Variants in DEPDC5 observed in about 807,000 individuals in gnomAD.
DEPDC5 encodes the protein GATOR1 complex protein DEPDC5.
Under a neutral mutation model 217.3 loss-of-function variants are expected in DEPDC5, and 73 were observed. The ratio of observed to expected loss-of-function variants is 0.34; its 90% CI spans 0.28 to 0.41. DEPDC5 has a LOEUF of 0.41. Among genes scored for constraint, DEPDC5 ranks in the 10% least tolerant of loss-of-function variants. The pLI is 1.00. For missense variants in DEPDC5, 1,675 were observed against 2,070.1 expected (o/e 0.81, Z 3.70); for synonymous variants, 733 against 756.7 (o/e 0.97, Z 0.51).
At chr22:31,800,112 T>G (rs1799710878) in intron 14 of DEPDC5, among the ~76,000 whole-genome samples, 1 of 152,106 alleles carries the variant, frequency 6.6e-6, no homozygotes, top group Non-Finnish European at 1.5e-5. Flanking sequence ...CAAAACTTAC[T>G]CCTAAACTAA....
chr22:31,758,098 A>G (rs2082085271), intron 2 of DEPDC5, among the ~76,000 whole-genome samples: 1 of 152,192 alleles, frequency 6.6e-6, no homozygotes, highest in Admixed American at 6.5e-5. Context: ...TGTTAGATCT[A>G]AAGATTTATT....
chr22:31,780,651 A>G (rs1222010707), intron 8 of DEPDC5, among the ~76,000 whole-genome samples: 5 of 152,104 alleles, frequency 3.3e-5, no homozygotes, highest in Admixed American at 3.3e-4. Flanking sequence ...TCTCAGCTCT[A>G]GTCTCAGGAT....
chr22:31,807,098 T>C (rs1354318137), intron 18 of DEPDC5, among the ~76,000 whole-genome samples: 1 of 152,182 alleles, frequency 6.6e-6, no homozygotes, highest in Admixed American at 6.6e-5. Context: ...GTTTAAAATA[T>C]ATTAATAATT....
In DEPDC5 at chr22:31,771,077, C is replaced by T. The variant is rs545867337; in HGVS notation, c.413+2214C>T. ...GGATTATAGGCGTTGAGCCACCGCA[C>T]GCGGCCCCCATCAACTTTTCACCTA... is the stretch of plus-strand genomic sequence containing the variant. On this transcript the variant is annotated intron_variant, in intron 7 of 42. Coordinates refer to ENST00000651528, the MANE Select transcript of DEPDC5 (RefSeq NM_001242896.3). Among the ~76,000 whole-genome samples the T allele has an allele frequency of 2.0e-5, 3 of 152,270 alleles. No homozygotes were observed. The South Asian group carries it at 6.2e-4, about 32-fold the overall frequency.
At chr22:31,828,476 A>G (rs1434806076) in intron 24 of DEPDC5, among the ~76,000 whole-genome samples, 1 of 144,926 alleles carries the variant, frequency 6.9e-6, no homozygotes, top group Non-Finnish European at 1.5e-5. Context: ...AAAAAAAAAC[A>G]GTTCCTGGCA....
Position 31,893,659 on chromosome 22 carries a change from A to C in DEPDC5, c.4111A>C (p.Ser1371Arg). 6 of 1,614,004 alleles carry C rather than the reference A, an allele frequency of 3.7e-6. No homozygotes were observed. Among genetic ancestry groups the C allele is most frequent in the Non-Finnish European group, 5.1e-6 (6 of 1,179,980 alleles). The change falls in exon 39 of 43, where the codon AGC (serine) becomes CGC (arginine). Residue 1371 changes from serine to arginine, a missense_variant. By Grantham distance (110) the Ser-to-Arg change is moderately radical. This residue lies in a region of DEPDC5 where 182 missense variants were observed against 290.1 expected (regional missense o/e 0.63). Coordinates refer to ENST00000651528, the MANE Select transcript of DEPDC5 (RefSeq NM_001242896.3). ...NNRTDRLEWC[S>R]CYYHGNFSLN... ...CCGCACAGACCGGCTGGAGTGGTGC[A>C]GCTGTTATTACCATGGCAACTTTTC...
At position 31,850,117 on chromosome 22, in the gene DEPDC5, T is replaced by TCAA. The variant is rs765370443; in HGVS notation, c.3155+3166_3155+3168dup. 2.1e-3 allele frequency among the ~76,000 whole-genome samples: 323 copies of TCAA among 152,176 alleles called. 1 individual carries two copies. Among genetic ancestry groups the TCAA allele is most frequent in the East Asian group, 5.0e-3 (26 of 5,182 alleles). On this transcript the variant is annotated intron_variant, in intron 31 of 42. Transcript: ENST00000651528. The stretch of plus-strand genomic sequence containing the variant: ...CTGGGTGATAGAGTGAGACTCTGTC[T>TCAA]CAACAACAACAACAACAAAATTTGA...
intron 30 of DEPDC5, 64 bp from the exon 31 acceptor site, chr22:31,846,770 G>A: frequency 1.2e-6 from 2 of 1,610,892 alleles, no homozygotes; most frequent in South Asian, 1.1e-5. Context: ...ATGCCCTGGG[G>A]CATGAGTGGC....
chr22:31,788,808 T>C (rs2148466313), intron 10 of DEPDC5, among the ~76,000 whole-genome samples: 1 of 152,046 alleles, frequency 6.6e-6, no homozygotes, highest in African/African-American at 2.4e-5. Context: ...ACTTCTGACC[T>C]CAGGTGATCC....
At chr22:31,765,727 A>G (rs1358960031) in intron 5 of DEPDC5, among the ~76,000 whole-genome samples, 1 of 152,180 alleles carries the variant, frequency 6.6e-6, no homozygotes, top group East Asian at 1.9e-4. Flanking sequence ...TTGTCTTGTA[A>G]AACTAAACAT....
intron 7 of DEPDC5, among the ~76,000 whole-genome samples, chr22:31,771,373 G>C (rs982976339): frequency 1.3e-5 from 2 of 152,098 alleles, no homozygotes; most frequent in South Asian, 4.1e-4. Context: ...ATCACTTGAG[G>C]CCAGGAGTTC....
At chr22:31,903,855 CT>C (rs2093708808) in intron 41 of DEPDC5, among the ~76,000 whole-genome samples, 1 of 151,466 alleles carries the variant, frequency 6.6e-6, no homozygotes, top group Non-Finnish European at 1.5e-5. Context: ...ATTCCAGTGA[CT>C]TGGGGGCCCT....
At chr22:31,842,786 T>C (rs2091474826) in intron 27 of DEPDC5, among the ~76,000 whole-genome samples, 1 of 152,124 alleles carries the variant, frequency 6.6e-6, no homozygotes, top group South Asian at 2.1e-4. Flanking sequence ...AGTAACACAG[T>C]CATCTCTTAC....
intron 24 of DEPDC5, among the ~76,000 whole-genome samples, chr22:31,826,274 T>C (rs1602202221): frequency 6.6e-6 from 1 of 152,202 alleles, no homozygotes; most frequent in Non-Finnish European, 1.5e-5. Context: ...CCCAAAGTGC[T>C]GGGATTACAG....
In DEPDC5 at chr22:31,778,156, T is replaced by A; in HGVS notation, c.471T>A (p.Ser157Arg). ...KNEKVMCGYISEDTRVVFRST... is the reference protein window; with the variant it reads ...KNEKVMCGYIREDTRVVFRST... ...AGAAGGTCATGTGTGGCTACATCAG[T>A]GAAGATACCAGGGTAAGATTTATAA... The change falls in exon 8 of 43, where the codon AGT becomes AGA. Residue 157 changes from serine to arginine, a missense_variant. This residue lies in a region of DEPDC5 where 628 missense variants were observed against 762.1 expected (regional missense o/e 0.82). Transcript: ENST00000651528. The A allele has an allele frequency of 6.2e-7, 1 of 1,614,140 alleles. No homozygotes were observed.
At position 31,815,070 on chromosome 22, in the gene DEPDC5, C is replaced by G; in HGVS notation, c.1524C>G (p.Ser508Arg). 6.2e-7 allele frequency: 1 copy of G among 1,614,200 alleles called. No individual in the cohort carries two copies. Among genetic ancestry groups the G allele is most frequent in the Non-Finnish European group, 8.5e-7 (1 of 1,180,036 alleles). ...CDVSSSPSLP[S>R]RTLPTEEVRS... Reference sequence around the variant, plus strand: ...TTTCATCCAGCCCTTCCCTACCAAGCCGCACACTGCCCACTGAGGAAGTGA... The same window carrying G: ...TTTCATCCAGCCCTTCCCTACCAAGGCGCACACTGCCCACTGAGGAAGTGA... The change falls in exon 21 of 43, where the codon AGC (serine) becomes AGG (arginine). Residue 508 changes from serine to arginine, a missense_variant. By Grantham distance (110) the Ser-to-Arg change is moderately radical (BLOSUM62 -1). Transcript: ENST00000651528.
chr22:31,815,151 C>T lies in DEPDC5; in HGVS notation c.1605C>T (p.Ile535=), dbSNP rs2088922140. Residue 535 remains isoleucine (I), a synonymous_variant, in exon 21 of 43, where the codon ATC becomes ATT. Transcript: ENST00000651528. ...SLGKSANILM[I]PHPHLHQYEV... ...GCAAGAGTGCCAACATCCTGATGAT[C>T]CCACACCCCCACCTGCACCAGTATG... is the stretch of plus-strand genomic sequence containing the variant. 1.2e-6 allele frequency: 2 copies of T among 1,614,170 alleles called. No individual in the cohort carries two copies. Among genetic ancestry groups the T allele is most frequent in the Non-Finnish European group, 8.5e-7 (1 of 1,180,028 alleles).
At chr22:31,862,086 C>A (rs1339259522) in intron 33 of DEPDC5, among the ~76,000 whole-genome samples, 3 of 151,664 alleles carry the variant, frequency 2.0e-5, no homozygotes, top group African/African-American at 7.3e-5. Flanking sequence ...ACTAAAAATA[C>A]AAAAAATTAG....
At chr22:31,837,484 A>G (rs1225233957) in intron 26 of DEPDC5, among the ~76,000 whole-genome samples, 1 of 151,508 alleles carries the variant, frequency 6.6e-6, no homozygotes, top group African/African-American at 2.4e-5. Context: ...CTAAGTAGCT[A>G]GGAGTAGCTG....
Sources: allele counts gnomAD v4.1 joint callset (sites outside exome capture counted in the v4.1 genomes callset), GRCh38; gene constraint gnomAD v4.1.1; regional missense constraint gnomAD v4.1.1; transcripts MANE v1.5; gene names NCBI Gene and HGNC (gene_info 2026-07-23, HGNC 2026-07-21).